The following MCTP1 variants were observed in gnomAD, a reference collection of about 807,000 sequenced individuals.
MCTP1 encodes the protein multiple C2 and transmembrane domain containing 1, also known as multiple C2 and transmembrane domain-containing protein 1.
In MCTP1, 69 loss-of-function variants were observed where a neutral mutation model predicts 120.6. The ratio of observed to expected loss-of-function variants is 0.57; its 90% CI spans 0.47 to 0.70. The LOEUF (loss-of-function observed/expected upper bound fraction) is 0.70, where lower values mean the gene tolerates loss of function less well. Among genes scored for constraint, MCTP1 ranks in the 30% least tolerant of loss-of-function variants. The pLI is 0.00. For missense variants in MCTP1, 1,203 were observed against 1,248.8 expected (o/e 0.96, Z 0.55); for synonymous variants, 529 against 493.1 (o/e 1.07, Z -0.96).
At position 94,809,428 on chromosome 5, in the gene MCTP1, A is replaced by G. The variant is rs553845756; in HGVS notation, c.2437-10296T>C. 8.3e-4 allele frequency among the ~76,000 whole-genome samples: 126 copies of G among 152,190 alleles called. 1 individual carries two copies. The highest frequency in any genetic ancestry group is 3.1e-3 in the Admixed American group (47 of 15,286). On this transcript the variant is annotated intron_variant, in intron 17 of 22. Coordinates refer to ENST00000515393, the MANE Select transcript of MCTP1 (RefSeq NM_024717.7). ...GAATAACTGATAAGAAATCCCTGCA[A>G]TGTTGTGAATTTAATGTTAGTAAAA... is the stretch of plus-strand genomic sequence containing the variant.
rs1817215727 is a variant in MCTP1 at position 94,940,113 on chromosome 5, T to C, written c.1144A>G (p.Thr382Ala). The change falls in exon 5 of 23, where the codon ACC becomes GCC. Residue 382 changes from threonine to alanine, a missense_variant. Thr to Ala is a moderately conservative substitution (Grantham distance 58). Coordinates refer to ENST00000515393, the MANE Select transcript of MCTP1 (RefSeq NM_024717.7). ...LGIILLSVILTPKEGESRDVT... is the reference protein window; with the variant it reads ...LGIILLSVILAPKEGESRDVT... ...TCCCTGGACTCTCCTTCTTTAGGGGTAAGGATGACTGAGAGCAAAATGATT... is the reference window on the plus strand; with the variant it reads ...TCCCTGGACTCTCCTTCTTTAGGGGCAAGGATGACTGAGAGCAAAATGATT... 1 of 1,607,974 alleles carries C rather than the reference T, an allele frequency of 6.2e-7. No homozygotes were observed. Among genetic ancestry groups the C allele is most frequent in the Non-Finnish European group, 8.5e-7 (1 of 1,175,646 alleles).
intron 1 of MCTP1, among the ~76,000 whole-genome samples, chr5:95,077,905 T>C (rs1225282448): frequency 2.0e-5 from 3 of 152,182 alleles, no homozygotes; most frequent in Non-Finnish European, 4.4e-5. Flanking sequence ...TTAGGAAAAC[T>C]CTTTCACATC....
chr5:94,744,616 G>GCCTCA (rs1457716744), intron 19 of MCTP1, among the ~76,000 whole-genome samples: 1 of 152,058 alleles, frequency 6.6e-6, no homozygotes, highest in Non-Finnish European at 1.5e-5. Flanking sequence ...GGATTCTCAC[G>GCCTCA]CCTCAGCCTT....
intron 17 of MCTP1, among the ~76,000 whole-genome samples, chr5:94,812,486 T>TA: frequency 7.4e-6 from 1 of 135,688 alleles, no homozygotes; most frequent in South Asian, 2.3e-4. Flanking sequence ...AAACTAAAAC[T>TA]AAAACAAAAC....
chr5:94,836,175 G>A (rs773728220), intron 17 of MCTP1, among the ~76,000 whole-genome samples: 24 of 66,340 alleles, frequency 3.6e-4, no homozygotes, highest in South Asian at 6.6e-4. Flanking sequence ...GCAAGACTCC[G>A]TCTCAAAAAA....
chr5:94,814,608 A>G (rs138724187), intron 17 of MCTP1, among the ~76,000 whole-genome samples: 2 of 152,338 alleles, frequency 1.3e-5, no homozygotes, highest in African/African-American at 4.8e-5. Flanking sequence ...CTAAATTCCT[A>G]TGAAAAATAT....
At chr5:95,176,787 A>G (rs1254540043) in intron 1 of MCTP1, among the ~76,000 whole-genome samples, 1 of 152,168 alleles carries the variant, frequency 6.6e-6, no homozygotes, top group Non-Finnish European at 1.5e-5. Flanking sequence ...TGAGCCTGGG[A>G]GATCGAGGCT....
intron 19 of MCTP1, among the ~76,000 whole-genome samples, chr5:94,726,083 C>T (rs1424443818): frequency 2.0e-5 from 3 of 152,170 alleles, no homozygotes; most frequent in East Asian, 3.9e-4. Flanking sequence ...ACTATTCACA[C>T]GAGGGTGATG....
chr5:95,114,517 T>C (rs1297171924), intron 1 of MCTP1, among the ~76,000 whole-genome samples: 2 of 152,186 alleles, frequency 1.3e-5, no homozygotes, highest in East Asian at 3.9e-4. Context: ...AACCTGGCAA[T>C]ACTCCATGTG....
chr5:95,222,828 AATATAC>A (rs1192202392), intron 1 of MCTP1, among the ~76,000 whole-genome samples: 2 of 152,240 alleles, frequency 1.3e-5, no homozygotes, highest in Non-Finnish European at 2.9e-5. Flanking sequence ...GCACATAATT[AATATAC>A]ATAGACTGTG....
intron 18 of MCTP1, among the ~76,000 whole-genome samples, chr5:94,796,596 C>CATATATATA (rs1199173408): frequency 8.2e-5 from 10 of 122,196 alleles, no homozygotes; most frequent in East Asian, 4.4e-4. Context: ...CACACACACA[C>CATATATATA]ATATATATAA....
chr5:94,945,856 A>AG (rs1818776727), intron 3 of MCTP1, among the ~76,000 whole-genome samples: 2 of 152,164 alleles, frequency 1.3e-5, no homozygotes, highest in African/African-American at 4.8e-5. Flanking sequence ...GTCTTCTGCA[A>AG]GGGGGGAAGA....
intron 2 of MCTP1, among the ~76,000 whole-genome samples, chr5:94,957,644 C>A (rs1290553156): frequency 6.6e-6 from 1 of 151,568 alleles, no homozygotes; most frequent in African/African-American, 2.4e-5. Context: ...AGATTTTACA[C>A]CAATGAAGAT....
At chr5:95,220,860 C>T (rs992724533) in intron 1 of MCTP1, among the ~76,000 whole-genome samples, 1 of 152,112 alleles carries the variant, frequency 6.6e-6, no homozygotes, top group Non-Finnish European at 1.5e-5. Flanking sequence ...GTAAATAAAG[C>T]ATTATTGCCA....
intron 17 of MCTP1, among the ~76,000 whole-genome samples, chr5:94,845,965 A>G (rs111956613): frequency 0.033 from 5,097 of 152,282 alleles, 302 homozygotes; most frequent in African/African-American, 0.12. Flanking sequence ...ATCTCACACC[A>G]GTCAGAATGG....
chr5:95,151,664 T>A (rs540171762), intron 1 of MCTP1, among the ~76,000 whole-genome samples: 6 of 152,334 alleles, frequency 3.9e-5, no homozygotes, highest in African/African-American at 1.4e-4. Flanking sequence ...TGTATCTGCA[T>A]TTCAACCAAT....
At chr5:94,719,017 A>T (rs988853204) in intron 19 of MCTP1, among the ~76,000 whole-genome samples, 2 of 152,292 alleles carry the variant, frequency 1.3e-5, no homozygotes, top group African/African-American at 4.8e-5. Context: ...CACTGTGCAC[A>T]GCCCAAAAGA....
intron 8 of MCTP1, among the ~76,000 whole-genome samples, chr5:94,914,603 T>C (rs948264722): frequency 6.6e-6 from 1 of 152,042 alleles, no homozygotes; most frequent in African/African-American, 2.4e-5. Flanking sequence ...GCCCTATGAA[T>C]ATCAACGCAG....
At chr5:94,855,369 T>C (rs2153228100) in intron 17 of MCTP1, among the ~76,000 whole-genome samples, 1 of 151,900 alleles carries the variant, frequency 6.6e-6, no homozygotes, top group East Asian at 1.9e-4. Flanking sequence ...AGAAACAAAC[T>C]CTACTTCCTG....
Sources: allele counts gnomAD v4.1 joint callset (sites outside exome capture counted in the v4.1 genomes callset), GRCh38; gene constraint gnomAD v4.1.1; transcripts MANE v1.5; gene names NCBI Gene and HGNC (gene_info 2026-07-23, HGNC 2026-07-21).